The following FAM162A variants were observed in gnomAD, a reference collection of about 807,000 sequenced individuals.
The protein encoded by FAM162A is family with sequence similarity 162 member A.
FAM162A carries 23 observed loss-of-function variants against 21.8 expected under a neutral mutation model. The ratio of observed to expected loss-of-function variants is 1.05; its 90% CI spans 0.76 to 1.49. The LOEUF (loss-of-function observed/expected upper bound fraction) is 1.49, where lower values mean the gene tolerates loss of function less well. Ranked by LOEUF, FAM162A falls within the 40% of genes most tolerant of loss-of-function variation. The pLI is 0.00. For missense variants in FAM162A, 165 were observed against 186.4 expected, an observed-to-expected ratio of 0.89 and a Z score of 0.67; for synonymous variants, 53 against 61.3, an observed-to-expected ratio of 0.86 and a Z score of 0.64.
intron 1 of FAM162A, among the ~76,000 whole-genome samples, chr3:122,386,106 A>G (rs749540949): frequency 1.3e-5 from 2 of 152,236 alleles, no homozygotes; most frequent in African/African-American, 2.4e-5. Context: ...TGAATTTGTC[A>G]TGACTAATTG....
intron 1 of FAM162A, among the ~76,000 whole-genome samples, chr3:122,385,188 C>CA (rs147988016): frequency 0.024 from 3,596 of 148,506 alleles, 133 homozygotes; most frequent in African/African-American, 0.085. Flanking sequence ...TGAAGTAATG[C>CA]AAAAAAAAAG....
At chr3:122,397,166 T>A (rs2075632273) in intron 1 of FAM162A, among the ~76,000 whole-genome samples, 1 of 152,170 alleles carries the variant, frequency 6.6e-6, no homozygotes, top group African/African-American at 2.4e-5. Context: ...TCATGAGAAA[T>A]CCACAGTAGT....
intron 1 of FAM162A, among the ~76,000 whole-genome samples, chr3:122,388,380 T>G (rs1470959221): frequency 1.3e-5 from 2 of 152,164 alleles, no homozygotes; most frequent in Non-Finnish European, 2.9e-5. Flanking sequence ...TTGAGTAGGT[T>G]TAGGTGGCAC....
At chr3:122,385,674 T>C (rs1210137929) in intron 1 of FAM162A, among the ~76,000 whole-genome samples, 2 of 152,222 alleles carry the variant, frequency 1.3e-5, no homozygotes, top group African/African-American at 4.8e-5. Flanking sequence ...TGTAAAAACT[T>C]CACTATTGAC....
At position 122,407,510 on chromosome 3, in the gene FAM162A, A is replaced by C. The variant is rs2075682498; in HGVS notation, c.372+121A>C. On this transcript the variant is annotated intron_variant, in intron 4 of 4. Transcript: ENST00000477892. ...AGGAGGCTACTTTCTACATTACATG[A>C]GAAAAGATAAGCAAAAAAATAAGAC... is the stretch of plus-strand genomic sequence containing the variant. The C allele has an allele frequency of 6.1e-6, 4 of 660,128 alleles. No homozygotes were observed. In the South Asian group the frequency reaches 8.6e-5, roughly 14 times the overall value. The allele number at this position is 660,128 out of a possible 1,614,324, so 40.9% of individuals were successfully genotyped here.
At chr3:122,390,365 C>A (rs1258032672) in intron 1 of FAM162A, among the ~76,000 whole-genome samples, 1 of 152,088 alleles carries the variant, frequency 6.6e-6, no homozygotes, top group Non-Finnish European at 1.5e-5. Context: ...CAGCTAAGGC[C>A]TAGAGAGTTT....
intron 1 of FAM162A, among the ~76,000 whole-genome samples, chr3:122,397,601 C>A (rs953229294): frequency 1.2e-4 from 18 of 152,182 alleles, no homozygotes; most frequent in Non-Finnish European, 2.5e-4. Flanking sequence ...TTCTGATTCT[C>A]AGGAGCCTGT....
chr3:122,384,406 C>T, intron 1 of FAM162A, 107 bp downstream of exon 1: 5 of 1,333,532 alleles, frequency 3.7e-6, no homozygotes, highest in Non-Finnish European at 5.2e-6. Flanking sequence ...TTCCATGACG[C>T]ACTTTCTCGG....
intron 1 of FAM162A, among the ~76,000 whole-genome samples, chr3:122,389,894 C>G (rs1458634051): frequency 6.6e-6 from 1 of 152,064 alleles, no homozygotes; most frequent in Non-Finnish European, 1.5e-5. Context: ...GTTTGTTTTA[C>G]TAAAAGCTTT....
rs747971677 is a variant in FAM162A, at chr3:122,404,263, T to TA, written c.164dup (p.Tyr55Ter). ...TTGTCTGGTTTTTCTCATAGGCACT[T>TA]ACAACAGAGTGCCTTTACACAAACC... The part of the protein sequence containing the change: ...QESPGAPSRT[Y>*]NRVPLHKPTD... The change falls in exon 3 of 5, where the codon TAC (tyrosine) becomes TAAC (stop). Residue 55 changes from tyrosine to a stop codon, truncating the protein, a stop_gained and frameshift_variant. Transcript: ENST00000477892. LOFTEE classifies it high-confidence loss of function. The TA allele has an allele frequency of 5.8e-6, 9 of 1,563,102 alleles. No individual in the cohort carries two copies. In the African/African-American group the frequency reaches 1.1e-4, roughly 19 times the overall value.
At chr3:122,385,441 A>G (rs1490937299) in intron 1 of FAM162A, among the ~76,000 whole-genome samples, 1 of 152,204 alleles carries the variant, frequency 6.6e-6, no homozygotes. Flanking sequence ...TCTTCTGTAC[A>G]TCCTATTAAC....
chr3:122,409,852 G>A lies in FAM162A; in HGVS notation c.*21G>A, dbSNP rs2075696064. Reference sequence around the variant, plus strand: ...AGTAGCAGAGGTATCCGTGTTGGCTGGATTTTGAAAATCCAGGAATTATGT... The same window carrying A: ...AGTAGCAGAGGTATCCGTGTTGGCTAGATTTTGAAAATCCAGGAATTATGT... On this transcript the variant is annotated 3_prime_UTR_variant, in exon 5 of 5. Coordinates refer to ENST00000477892, the MANE Select transcript of FAM162A (RefSeq NM_014367.4). The A allele has an allele frequency of 3.1e-6, 5 of 1,604,220 alleles. No individual in the cohort carries two copies. The highest frequency in any genetic ancestry group is 1.3e-5 in the African/African-American group (1 of 74,654).
chr3:122,391,394 T>C (rs1205414360), intron 1 of FAM162A, among the ~76,000 whole-genome samples: 3 of 152,226 alleles, frequency 2.0e-5, no homozygotes, highest in African/African-American at 7.2e-5. Context: ...GGTTTCACTA[T>C]GTAGTGATAA....
intron 1 of FAM162A, among the ~76,000 whole-genome samples, chr3:122,393,772 G>A (rs2075615039): frequency 6.6e-6 from 1 of 152,166 alleles, no homozygotes; most frequent in Non-Finnish European, 1.5e-5. Flanking sequence ...CTGACATCTG[G>A]AAAGCTCTGA....
chr3:122,410,339 T>G lies in FAM162A; in HGVS notation c.*508T>G, dbSNP rs1301756566. The G allele has an allele frequency of 6.0e-6, 1 of 167,246 alleles. No individual in the cohort carries two copies. The highest frequency in any genetic ancestry group is 1.3e-5 in the Non-Finnish European group (1 of 76,898). The allele number at this position is 167,246 out of a possible 1,614,324, so 10.4% of individuals were successfully genotyped here. A position where few individuals can be genotyped will look rare whatever the true frequency, so the allele number is the denominator to read the frequency against. ...GAACATGCTGGCAGATGGAGGCTTT[T>G]AGGAGAATAGTTTTTTAAACATTCT... On this transcript the variant is annotated 3_prime_UTR_variant, in exon 5 of 5. Transcript: ENST00000477892.
In FAM162A at chr3:122,410,078, A is replaced by G; in HGVS notation, c.*247A>G. The G allele has an allele frequency of 2.1e-6, 1 of 473,886 alleles. No individual in the cohort carries two copies. Among genetic ancestry groups the G allele is most frequent in the Non-Finnish European group, 3.9e-6 (1 of 258,062 alleles). The allele number at this position is 473,886 out of a possible 1,614,324, so 29.4% of individuals were successfully genotyped here. A position where few individuals can be genotyped will look rare whatever the true frequency, so the allele number is the denominator to read the frequency against. ...GAGAAAAATGAAACAATTTATTTCA[A>G]CTTGAATACCAACTCTTCAGAGAAG... On this transcript the variant is annotated 3_prime_UTR_variant, in exon 5 of 5. Coordinates refer to ENST00000477892, the MANE Select transcript of FAM162A (RefSeq NM_014367.4).
chr3:122,404,992 CT>C (rs2075670598), intron 3 of FAM162A, among the ~76,000 whole-genome samples: 1 of 152,164 alleles, frequency 6.6e-6, no homozygotes, highest in African/African-American at 2.4e-5. Context: ...CTTCTGCCCC[CT>C]ACATGCCCGT....
chr3:122,390,084 A>G (rs577226880), intron 1 of FAM162A, among the ~76,000 whole-genome samples: 55 of 152,150 alleles, frequency 3.6e-4, no homozygotes, highest in Non-Finnish European at 6.6e-4. Flanking sequence ...ACAGTGAGCT[A>G]TGATCTCTCC....
chr3:122,409,576 C>A (rs1207284900), intron 4 of FAM162A, among the ~76,000 whole-genome samples, 163 bp from the exon 5 acceptor site: 1 of 152,086 alleles, frequency 6.6e-6, no homozygotes, highest in South Asian at 2.1e-4. Flanking sequence ...TGGAAGCGTA[C>A]GAGGAAGTTG....
Sources: allele counts gnomAD v4.1 joint callset (sites outside exome capture counted in the v4.1 genomes callset), GRCh38; gene constraint gnomAD v4.1.1; transcripts MANE v1.5; gene names NCBI Gene and HGNC (gene_info 2026-07-23, HGNC 2026-07-21).